Variants in TENM4 observed in about 807,000 individuals in gnomAD.
TENM4 encodes the protein teneurin transmembrane protein 4, also known as teneurin-4.
A neutral mutation model predicts 243.3 loss-of-function variants in TENM4; 82 were observed. The ratio of observed to expected loss-of-function variants is 0.34; its 90% confidence interval spans 0.28 to 0.40. The LOEUF (loss-of-function observed/expected upper bound fraction) is 0.40. TENM4 is among the 10% of genes least tolerant of loss of function. TENM4 has a pLI of 1.00. For synonymous variants in TENM4, 1,412 were observed against 1,456.3 expected (o/e 0.97, Z 0.69); for missense variants, 3,138 against 3,673.3 (o/e 0.85, Z 3.77).
At chr11:78,727,434 CAA>C (rs397973910) in intron 22 of TENM4, among the ~76,000 whole-genome samples, 15 of 93,238 alleles carry the variant, frequency 1.6e-4, no homozygotes, top group Admixed American at 3.5e-4. Context: ...GACTCCGCCT[CAA>C]AAAAAAAAAA....
intron 6 of TENM4, among the ~76,000 whole-genome samples, chr11:78,931,557 T>A (rs1216071353): frequency 6.6e-6 from 1 of 152,222 alleles, no homozygotes; most frequent in Non-Finnish European, 1.5e-5. Flanking sequence ...AACACCTTTA[T>A]CAGCATCCAC....
Position 78,764,790 on chromosome 11 carries a change from T to C in TENM4, c.2539+6202A>G, listed in dbSNP as rs116369463. Among the ~76,000 whole-genome samples the C allele has an allele frequency of 3.9e-3, 591 of 152,068 alleles. 2 individuals are homozygous for C. The highest frequency in any genetic ancestry group is 0.013 in the African/African-American group (554 of 41,474). On this transcript the variant is annotated intron_variant, in intron 18 of 33. Transcript: ENST00000278550. ...GGTGTAGTGGGGCAGACAGAGACAA[T>C]TGAGTGCTGGAGAAGAAGGAAGTAG...
At chr11:79,070,591 T>C (rs533675421) in intron 4 of TENM4, among the ~76,000 whole-genome samples, 1 of 152,312 alleles carries the variant, frequency 6.6e-6, no homozygotes, top group African/African-American at 2.4e-5. Context: ...CCCATCTCCT[T>C]CTGCTAGTCT....
rs374316004 is a variant in TENM4 at position 79,014,589 on chromosome 11, C to T, written c.493+50149G>A. On this transcript the variant is annotated intron_variant, in intron 6 of 33. Transcript: ENST00000278550. ...AAAATACCTTTGCACTTCATTAGGC[C>T]CCAAATGGTCTTCATGCACAGAGGC... 3 of 152,288 alleles carry T rather than the reference C, an allele frequency of 2.0e-5. No homozygotes were observed. The East Asian group carries it at 5.8e-4, about 29-fold the overall frequency. The allele number at this position is 152,288 out of a possible 1,614,324, so 9.4% of individuals were successfully genotyped here.
chr11:79,111,640 G>C (rs1209378938), intron 4 of TENM4, among the ~76,000 whole-genome samples: 1 of 152,210 alleles, frequency 6.6e-6, no homozygotes, highest in Non-Finnish European at 1.5e-5. Flanking sequence ...TGTCAGAAGT[G>C]TGAAAACAAA....
chr11:79,031,421 G>C (rs185808827), intron 6 of TENM4, among the ~76,000 whole-genome samples: 5 of 152,256 alleles, frequency 3.3e-5, no homozygotes, highest in Admixed American at 1.3e-4. Context: ...AAGCCAGGGT[G>C]GGGAGTCAGC....
At chr11:78,989,163 A>G (rs1441933834) in intron 6 of TENM4, among the ~76,000 whole-genome samples, 2 of 152,244 alleles carry the variant, frequency 1.3e-5, no homozygotes, top group East Asian at 1.9e-4. Context: ...TTGAAGGCCA[A>G]AAACAGTTCA....
chr11:79,203,796 A>C (rs1863793824), intron 3 of TENM4, among the ~76,000 whole-genome samples: 1 of 152,236 alleles, frequency 6.6e-6, no homozygotes, highest in African/African-American at 2.4e-5. Flanking sequence ...TACTGTAATA[A>C]AAGTTATGTG....
chr11:79,042,881 A>G (rs1859571804), intron 6 of TENM4, among the ~76,000 whole-genome samples: 1 of 152,196 alleles, frequency 6.6e-6, no homozygotes, highest in South Asian at 2.1e-4. Context: ...CCTAAAATAT[A>G]TAGGATCATA....
intron 3 of TENM4, among the ~76,000 whole-genome samples, chr11:79,208,399 T>A (rs1863891328): frequency 6.6e-6 from 1 of 152,226 alleles, no homozygotes; most frequent in Non-Finnish European, 1.5e-5. Flanking sequence ...CCACCCTGGT[T>A]TCCTCATGTG....
In TENM4 at chr11:79,226,848, G is replaced by A. The variant is rs1282579002; in HGVS notation, c.-264-10939C>T. Reference sequence around the variant, plus strand: ...GGCTGATCAGAGAAATTAGAAAAGAGCAAGAGTTTTCTAGAACAGGTGGGG... The same window carrying A: ...GGCTGATCAGAGAAATTAGAAAAGAACAAGAGTTTTCTAGAACAGGTGGGG... On this transcript the variant is annotated intron_variant, in intron 2 of 33. Coordinates refer to ENST00000278550, the MANE Select transcript of TENM4 (RefSeq NM_001098816.3). 1.3e-5 allele frequency among the ~76,000 whole-genome samples: 2 copies of A among 152,182 alleles called. 1 individual carries two copies. The highest frequency in any genetic ancestry group is 4.1e-4 in the South Asian group (2 of 4,822).
At chr11:78,843,861 G>A (rs1024108518) in intron 12 of TENM4, among the ~76,000 whole-genome samples, 2 of 152,218 alleles carry the variant, frequency 1.3e-5, no homozygotes, top group East Asian at 1.9e-4. Flanking sequence ...TTGAAAGGGT[G>A]GCTGTGCCTT....
chr11:79,247,517 G>T (rs1207050928), intron 2 of TENM4, among the ~76,000 whole-genome samples: 4 of 152,020 alleles, frequency 2.6e-5, no homozygotes, highest in African/African-American at 9.7e-5. Flanking sequence ...CTGCAGAAAG[G>T]GTCTTCATCC....
chr11:78,722,915 T>C lies in TENM4; in HGVS notation c.3553A>G (p.Ile1185Val), dbSNP rs774972974. 1.2e-6 allele frequency: 2 copies of C among 1,613,218 alleles called. No individual in the cohort carries two copies. The highest frequency in any genetic ancestry group is 1.7e-6 in the Non-Finnish European group (2 of 1,179,186). The stretch of plus-strand genomic sequence containing the variant: ...TTCTCCCCATTCCCTTTGTGCAGGA[T>C]GCCTGGGACAAGGAAAGAACAGAAT... ...KHHALNIQSG[I>V]LHKGNGENQF... Residue 1185 changes from isoleucine to valine, a missense_variant and splice_region_variant, in exon 24 of 34, where the codon ATC (isoleucine) becomes GTC (valine). This residue lies in a region of TENM4 where 2,467 missense variants were observed against 3,059.1 expected (regional missense o/e 0.81). Coordinates refer to ENST00000278550, the MANE Select transcript of TENM4 (RefSeq NM_001098816.3).
At chr11:78,797,342 GT>G (rs879866526) in intron 15 of TENM4, among the ~76,000 whole-genome samples, 18 of 151,722 alleles carry the variant, frequency 1.2e-4, no homozygotes, top group African/African-American at 2.2e-4. Flanking sequence ...TGAAAGAACA[GT>G]TTTTTTTTAA....
chr11:79,081,409 A>C (rs1325028948), intron 4 of TENM4, among the ~76,000 whole-genome samples: 7 of 152,174 alleles, frequency 4.6e-5, no homozygotes. Flanking sequence ...CATGTAGTCT[A>C]TGCCCTGGGC....
chr11:79,046,018 T>C (rs1361164029), intron 6 of TENM4, among the ~76,000 whole-genome samples: 1 of 152,220 alleles, frequency 6.6e-6, no homozygotes, highest in East Asian at 1.9e-4. Context: ...CATCTGCACT[T>C]TGCACTTGCA....
intron 6 of TENM4, among the ~76,000 whole-genome samples, chr11:79,015,381 G>A (rs1270189940): frequency 1.3e-5 from 2 of 152,104 alleles, no homozygotes; most frequent in African/African-American, 4.8e-5. Context: ...TTAGGTACGA[G>A]GAATGCTAGA....
chr11:79,433,250 C>G (rs185276579), intron 1 of TENM4, among the ~76,000 whole-genome samples: 3 of 152,296 alleles, frequency 2.0e-5, no homozygotes, highest in African/African-American at 7.2e-5. Flanking sequence ...CACCTGGGAG[C>G]TGGCGAAAAA....
Sources: gnomAD v4.1 joint callset for allele counts (sites outside exome capture counted in the v4.1 genomes callset) on GRCh38, gnomAD v4.1.1 for gene constraint, gnomAD v4.1.1 regional missense constraint, MANE v1.5 for transcripts, NCBI Gene and HGNC (gene_info 2026-07-23, HGNC 2026-07-21) for gene names.